SAMD4A: variants seen among roughly 807,000 people sequenced by gnomAD.
The protein encoded by SAMD4A is protein Smaug homolog 1.
A neutral mutation model predicts 81.3 loss-of-function variants in SAMD4A; 33 were observed. The observed-to-expected ratio is 0.41, with a 90% CI of 0.31 to 0.54. The LOEUF (loss-of-function observed/expected upper bound fraction) is 0.54, where lower values mean the gene tolerates loss of function less well. Ranked by LOEUF, SAMD4A falls within the 20% of genes least tolerant of loss-of-function variation. The pLI, the probability that SAMD4A is intolerant of heterozygous loss-of-function variation, is 0.37. For synonymous variants in SAMD4A, 389 were observed against 382.1 expected (o/e 1.02, Z -0.21); for missense variants, 854 against 951.1 (o/e 0.90, Z 1.34).
chr14:54,785,443 A>T (rs2039113979), intron 12 of SAMD4A, among the ~76,000 whole-genome samples: 1 of 152,166 alleles, frequency 6.6e-6, no homozygotes, highest in African/African-American at 2.4e-5. Flanking sequence ...GATGTCTGCC[A>T]TTTCCTGCCA....
intron 2 of SAMD4A, among the ~76,000 whole-genome samples, chr14:54,596,475 C>T (rs911722837): frequency 2.6e-5 from 4 of 152,160 alleles, no homozygotes; most frequent in African/African-American, 9.7e-5. Context: ...ATCCCAGCTA[C>T]TCGGGAAGCT....
intron 2 of SAMD4A, among the ~76,000 whole-genome samples, chr14:54,583,713 G>A (rs112978075): frequency 1.3e-5 from 2 of 152,298 alleles, no homozygotes; most frequent in African/African-American, 4.8e-5. Flanking sequence ...CACTTGAATA[G>A]AATGGATACT....
At chr14:54,630,098 T>G (rs1379109145) in intron 2 of SAMD4A, among the ~76,000 whole-genome samples, 1 of 152,228 alleles carries the variant, frequency 6.6e-6, no homozygotes, top group Non-Finnish European at 1.5e-5. Flanking sequence ...CTTGGGTTGC[T>G]TCCACCCTTT....
Position 54,737,026 on chromosome 14 carries a change from C to T in SAMD4A, c.718C>T (p.Leu240Phe), listed in dbSNP as rs748845384. ...NTIGTSTSTI[L>F]SGQAHHSPLK... ...TTTCATTTTATTTTTTTTTCCAGTT[C>T]TCTCAGGCCAGGCACACCACAGCCC... Residue 240 changes from leucine (L) to phenylalanine (F), a missense_variant and splice_region_variant, in exon 4 of 13, where the codon CTC becomes TTC. Transcript: ENST00000554335. The T allele has an allele frequency of 6.2e-7, 1 of 1,611,100 alleles. No homozygotes were observed. The highest frequency in any genetic ancestry group is 1.7e-5 in the Admixed American group (1 of 59,348).
chr14:54,647,276 G>T (rs1001615026), intron 2 of SAMD4A, among the ~76,000 whole-genome samples: 1 of 152,140 alleles, frequency 6.6e-6, no homozygotes, highest in African/African-American at 2.4e-5. Context: ...GTGTCATCAC[G>T]TTTAATCATC....
chr14:54,753,141 C>T (rs999164692), intron 6 of SAMD4A, among the ~76,000 whole-genome samples: 36 of 152,342 alleles, frequency 2.4e-4, no homozygotes, highest in African/African-American at 7.0e-4. Flanking sequence ...AGGCTTTCCT[C>T]TTTTACTAAT....
chr14:54,583,631 G>A (rs550048389), intron 2 of SAMD4A, among the ~76,000 whole-genome samples: 97 of 152,232 alleles, frequency 6.4e-4, no homozygotes, highest in Non-Finnish European at 1.1e-3. Flanking sequence ...GGCGGAATCA[G>A]CTCAGTTACA....
intron 5 of SAMD4A, among the ~76,000 whole-genome samples, chr14:54,751,130 C>G (rs1367862788): frequency 6.6e-6 from 1 of 152,230 alleles, no homozygotes; most frequent in East Asian, 1.9e-4. Flanking sequence ...GGTTTGGTGG[C>G]CTGTAGTCCC....
intron 4 of SAMD4A, among the ~76,000 whole-genome samples, chr14:54,744,645 G>A (rs529884792): frequency 6.6e-6 from 1 of 152,298 alleles, no homozygotes; most frequent in Admixed American, 6.5e-5. Flanking sequence ...GCATGGTGGT[G>A]CTTTGTCCCA....
intron 2 of SAMD4A, among the ~76,000 whole-genome samples, chr14:54,650,957 T>G (rs1223487671): frequency 1.3e-5 from 2 of 152,186 alleles, no homozygotes; most frequent in Non-Finnish European, 2.9e-5. Flanking sequence ...TAAAAATATA[T>G]ATCAACTGAA....
At chr14:54,713,400 G>C (rs1672610236) in intron 3 of SAMD4A, among the ~76,000 whole-genome samples, 1 of 152,142 alleles carries the variant, frequency 6.6e-6, no homozygotes, top group African/African-American at 2.4e-5. Context: ...TCAGGTATCA[G>C]TCAGTTAAGA....
At chr14:54,709,934 G>A (rs1364207666) in intron 3 of SAMD4A, among the ~76,000 whole-genome samples, 1 of 152,188 alleles carries the variant, frequency 6.6e-6, no homozygotes, top group Non-Finnish European at 1.5e-5. Flanking sequence ...TACCTCAGTT[G>A]CCCCAAACTG....
At chr14:54,700,238 A>G (rs559907256) in intron 2 of SAMD4A, among the ~76,000 whole-genome samples, 1 of 152,142 alleles carries the variant, frequency 6.6e-6, no homozygotes, top group Non-Finnish European at 1.5e-5. Flanking sequence ...CCCACAGCAC[A>G]TGGAGGGGCA....
At chr14:54,736,451 G>C (rs7146871) in intron 3 of SAMD4A, among the ~76,000 whole-genome samples, 31,580 of 152,062 alleles carry the variant, frequency 0.21, 3,419 homozygotes, top group Non-Finnish European at 0.25. Context: ...TAGTACTGGG[G>C]CCCTTGCTGA....
upstream of SAMD4A, among the ~76,000 whole-genome samples, chr14:54,565,396 C>T (rs1283251618): frequency 6.6e-6 from 1 of 152,256 alleles, no homozygotes; most frequent in Admixed American, 6.5e-5. The surrounding 1 kb of genome is among the most constrained non-coding windows in gnomAD (Gnocchi z 5.4). Context: ...AAGAGTGGGA[C>T]TCAGCCAGGC....
intron 2 of SAMD4A, among the ~76,000 whole-genome samples, chr14:54,597,180 C>T (rs149214076): frequency 2.6e-5 from 4 of 151,446 alleles, no homozygotes; most frequent in Admixed American, 6.6e-5. Context: ...ATCTGCTTAG[C>T]GTGTAGGAGC....
intron 2 of SAMD4A, among the ~76,000 whole-genome samples, chr14:54,598,892 C>T (rs1001767050): frequency 6.6e-6 from 1 of 151,976 alleles, no homozygotes; most frequent in Non-Finnish European, 1.5e-5. Context: ...GTGATTTCAG[C>T]TCACTGCAGC....
intron 2 of SAMD4A, among the ~76,000 whole-genome samples, chr14:54,574,236 G>A (rs985519429): frequency 6.6e-6 from 1 of 152,120 alleles, no homozygotes; most frequent in African/African-American, 2.4e-5. Flanking sequence ...GTCATAATTC[G>A]ATCATACACA....
At chr14:54,576,236 T>C (rs2140127759) in intron 2 of SAMD4A, among the ~76,000 whole-genome samples, 1 of 152,264 alleles carries the variant, frequency 6.6e-6, no homozygotes, top group East Asian at 1.9e-4. Flanking sequence ...ATACACAACA[T>C]TGACTTTCAT....
Sources: gnomAD v4.1 joint callset for allele counts (sites outside exome capture counted in the v4.1 genomes callset) on GRCh38, gnomAD v4.1.1 for gene constraint, Gnocchi (gnomAD v3.1) non-coding constraint, MANE v1.5 for transcripts, NCBI Gene and HGNC (gene_info 2026-07-23, HGNC 2026-07-21) for gene names.